Variants in WDR62 observed in about 807,000 individuals in gnomAD.
The protein encoded by WDR62 is WD repeat-containing protein 62.
A neutral mutation model predicts 160.6 loss-of-function variants in WDR62; 112 were observed. The ratio of observed to expected loss-of-function variants is 0.70; its 90% CI spans 0.60 to 0.82. The LOEUF is 0.82. Among genes scored for constraint, WDR62 ranks in the 40% least tolerant of loss-of-function variants. WDR62 has a pLI of 0.00. For missense variants in WDR62, 1,819 were observed against 1,983.8 expected (o/e 0.92, Z 1.58); for synonymous variants, 792 against 815.1 (o/e 0.97, Z 0.48).
chr19:36,109,827 GC>G (rs1973775972), downstream of WDR62, among the ~76,000 whole-genome samples: 1 of 151,884 alleles, frequency 6.6e-6, no homozygotes, highest in Admixed American at 6.6e-5. Flanking sequence ...GCTGAGCCGG[GC>G]GGATCACCTG....
chr19:36,091,158 AAGC>A, intron 16 of WDR62, 39 bp from the exon 17 acceptor site: 1 of 1,562,250 alleles, frequency 6.4e-7, no homozygotes, highest in African/African-American at 1.4e-5. Flanking sequence ...CATAAGGAAG[AAGC>A]AGGCAGCTGG....
chr19:36,104,027 T>G, intron 30 of WDR62, 46 bp downstream of exon 30: 1 of 1,595,732 alleles, frequency 6.3e-7, no homozygotes, highest in African/African-American at 1.3e-5. Context: ...GCTCATCCTG[T>G]GTGCTAGTTG....
chr19:36,069,044 C>G (rs1348359515), intron 7 of WDR62, among the ~76,000 whole-genome samples: 1 of 151,640 alleles, frequency 6.6e-6, no homozygotes, highest in Non-Finnish European at 1.5e-5. Context: ...CCCCACCTCC[C>G]TCCTGGACGG....
At chr19:36,101,993 C>T (rs373242549) in intron 25 of WDR62, 21 bp from the exon 26 acceptor site, 948 of 1,613,874 alleles carry the variant, frequency 5.9e-4, no homozygotes, top group Non-Finnish European at 7.7e-4. Flanking sequence ...TCCTCTTGTC[C>T]CTCCCCTCCT....
At chr19:36,094,583 TAAAA>T (rs1568360764) in intron 20 of WDR62, among the ~76,000 whole-genome samples, 2 of 149,244 alleles carry the variant, frequency 1.3e-5, no homozygotes, top group African/African-American at 2.5e-5. Context: ...ATAATATAAA[TAAAA>T]TAAATAAAAT....
At position 36,093,879 on chromosome 19, in the gene WDR62, G is replaced by A. The variant is rs17639414; in HGVS notation, c.2334-152G>A. The A allele has an allele frequency of 0.11, 95,504 of 886,930 alleles. 6,129 individuals are homozygous for A. Among genetic ancestry groups the A allele is most frequent in the African/African-American group, 0.22 (13,595 of 61,220 alleles). The allele number at this position is 886,930 out of a possible 1,614,324, so 54.9% of individuals were successfully genotyped here. On this transcript the variant is annotated intron_variant, in intron 19 of 31. Transcript: ENST00000401500. The stretch of plus-strand genomic sequence containing the variant: ...GGTGATGTGTTTCTAGTGGGGAGAC[G>A]GCATCAAGTGAGAGACTTGCCAGCA...
At chr19:36,092,171 C>T (rs905554359) in intron 18 of WDR62, among the ~76,000 whole-genome samples, 5 of 151,688 alleles carry the variant, frequency 3.3e-5, no homozygotes, top group African/African-American at 7.3e-5. Flanking sequence ...ATTAGCTGTG[C>T]GTGGTGGCAG....
chr19:36,082,839 A>G (rs1269042458), intron 10 of WDR62, among the ~76,000 whole-genome samples: 2 of 152,232 alleles, frequency 1.3e-5, no homozygotes, highest in Non-Finnish European at 1.5e-5. Flanking sequence ...GAGAAAAGAC[A>G]GCAGAAGAAT....
rs35753706 is a variant in WDR62, at chr19:36,085,414, C to CTTTTTTTTTTTTTTTTT, written c.1642+677_1642+693dup. ...TAGGGCATGAGCCACCACACCTGAC[C>CTTTTTTTTTTTTTTTTT]TTTTTTTTTTTTTTTTTTTTTTTGA... On this transcript the variant is annotated intron_variant, in intron 12 of 31. Coordinates refer to ENST00000401500, the MANE Select transcript of WDR62 (RefSeq NM_001083961.2). Among the ~76,000 whole-genome samples, 234 of 70,374 alleles carry CTTTTTTTTTTTTTTTTT rather than the reference C, an allele frequency of 3.3e-3. 33 individuals are homozygous for CTTTTTTTTTTTTTTTTT. Among genetic ancestry groups the CTTTTTTTTTTTTTTTTT allele is most frequent in the African/African-American group, 6.9e-3 (148 of 21,458 alleles). The allele number at this position is 70,374 out of a possible 152,430, so 46.2% of individuals were successfully genotyped here.
Position 36,102,026 on chromosome 19 carries a change from C to G in WDR62, c.3095C>G (p.Pro1032Arg), listed in dbSNP as rs1279249772. 6.2e-7 allele frequency: 1 copy of G among 1,614,182 alleles called. No individual in the cohort carries two copies. The change falls in exon 26 of 32, where the codon CCC (proline) becomes CGC (arginine). Residue 1032 changes from proline (P) to arginine (R), a missense_variant. By Grantham distance (103) the Pro-to-Arg change is moderately radical (BLOSUM62 -2). Coordinates refer to ENST00000401500, the MANE Select transcript of WDR62 (RefSeq NM_001083961.2). ...CCTTCCCTGTCAGGATGCGCAGGTCCCACAGAAGATGAGCTGTCCCTGCCC... is the reference window on the plus strand; with the variant it reads ...CCTTCCCTGTCAGGATGCGCAGGTCGCACAGAAGATGAGCTGTCCCTGCCC... The part of the protein sequence containing the change: ...SLPHFPGCAG[P>R]TEDELSLPEG...
intron 20 of WDR62, among the ~76,000 whole-genome samples, chr19:36,095,560 G>A (rs1972907274): frequency 6.6e-6 from 1 of 152,224 alleles, no homozygotes; most frequent in South Asian, 2.1e-4. Flanking sequence ...CAGGGAGGCC[G>A]AGGCGGGTGG....
chr19:36,067,494 G>A (rs773043756), intron 6 of WDR62, 51 bp downstream of exon 6: 42 of 1,612,142 alleles, frequency 2.6e-5, no homozygotes, highest in Admixed American at 6.7e-5. Context: ...AGTCACCATC[G>A]GTGGCAGCAT....
rs766195936 is a variant in WDR62 at position 36,073,547 on chromosome 19, AC to A, written c.1233+21del. 3.0e-6 allele frequency: 3 copies of A among 1,011,494 alleles called. No individual in the cohort carries two copies. Among genetic ancestry groups the A allele is most frequent in the Non-Finnish European group, 4.0e-6 (3 of 756,702 alleles). The allele number at this position is 1,011,494 out of a possible 1,614,324, so 62.7% of individuals were successfully genotyped here. ...GAACGTGGAGGTGAGCCCCCCCCCC[AC>A]CCCCTTGCCCCTGCTTGGCCTCTGC... On this transcript the variant is annotated intron_variant, in intron 9 of 31. Coordinates refer to ENST00000401500, the MANE Select transcript of WDR62 (RefSeq NM_001083961.2).
chr19:36,064,242 C>T (rs1294892240), intron 3 of WDR62, among the ~76,000 whole-genome samples: 2 of 152,186 alleles, frequency 1.3e-5, no homozygotes, highest in Non-Finnish European at 2.9e-5. Flanking sequence ...AGGTGGGCAG[C>T]CCAGGGGCTG....
chr19:36,076,699 CAG>C (rs946679400), intron 9 of WDR62, among the ~76,000 whole-genome samples: 12 of 151,886 alleles, frequency 7.9e-5, no homozygotes, highest in South Asian at 6.2e-4. Context: ...CTTAAGGACA[CAG>C]GGGATGGTGG....
rs757515002 is a variant in WDR62, at chr19:36,094,177, G to C, written c.2467+13G>C. The C allele has an allele frequency of 6.2e-7, 1 of 1,613,658 alleles. No homozygotes were observed. The highest frequency in any genetic ancestry group is 8.5e-7 in the Non-Finnish European group (1 of 1,179,910). ...AGCTTGGATCCAGGTTGGAAAAGGG[G>C]CCCTATTTTGAACTATGTCAGTGTA... On this transcript the variant is annotated intron_variant, in intron 20 of 31. Coordinates refer to ENST00000401500, the MANE Select transcript of WDR62 (RefSeq NM_001083961.2).
In WDR62 at chr19:36,085,414, CTTTT is replaced by C. The variant is rs35753706; in HGVS notation, c.1642+690_1642+693del. Among the ~76,000 whole-genome samples, 479 of 70,414 alleles carry C rather than the reference CTTTT, an allele frequency of 6.8e-3. 19 individuals are homozygous for C. The highest frequency in any genetic ancestry group is 0.016 in the African/African-American group (349 of 21,482). The allele number at this position is 70,414 out of a possible 152,430, so 46.2% of individuals were successfully genotyped here. ...TAGGGCATGAGCCACCACACCTGACCTTTTTTTTTTTTTTTTTTTTTTTGAGACA... is the reference window on the plus strand; with the variant it reads ...TAGGGCATGAGCCACCACACCTGACCTTTTTTTTTTTTTTTTTTTGAGACA... On this transcript the variant is annotated intron_variant, in intron 12 of 31. Coordinates refer to ENST00000401500, the MANE Select transcript of WDR62 (RefSeq NM_001083961.2).
chr19:36,099,851 A>G (rs1384350699), intron 22 of WDR62, among the ~76,000 whole-genome samples: 1 of 152,178 alleles, frequency 6.6e-6, no homozygotes, highest in Non-Finnish European at 1.5e-5. Context: ...GCAGGCTTGT[A>G]CCCAAGTGGG....
chr19:36,094,428 A>C (rs945804861), intron 20 of WDR62, among the ~76,000 whole-genome samples: 1 of 151,706 alleles, frequency 6.6e-6, no homozygotes, highest in African/African-American at 2.4e-5. Context: ...GTGGCGTGCA[A>C]CTATAGTCCT....
Sources: allele counts gnomAD v4.1 joint callset (sites outside exome capture counted in the v4.1 genomes callset), GRCh38; gene constraint gnomAD v4.1.1; transcripts MANE v1.5; gene names NCBI Gene and HGNC (gene_info 2026-07-23, HGNC 2026-07-21).